ERC1: variants seen among roughly 807,000 people sequenced by gnomAD.
ERC1 encodes the protein RAB6 interacting protein 2.
In ERC1, 56 loss-of-function variants were observed where a neutral mutation model predicts 132.0. The ratio of observed to expected loss-of-function variants is 0.42; its 90% CI spans 0.34 to 0.53. The LOEUF (loss-of-function observed/expected upper bound fraction) is 0.53, where lower values mean the gene tolerates loss of function less well. Among genes scored for constraint, ERC1 ranks in the 20% least tolerant of loss-of-function variants. The pLI is 0.03. For missense variants in ERC1, 1,202 were observed against 1,349.9 expected (o/e 0.89, Z 1.72); for synonymous variants, 478 against 476.1 (o/e 1.00, Z -0.05).
chr12:1,320,335 GAA>G (rs1322583708), intron 15 of ERC1, among the ~76,000 whole-genome samples: 1 of 152,186 alleles, frequency 6.6e-6, no homozygotes, highest in Non-Finnish European at 1.5e-5. Context: ...AAATGTGTAT[GAA>G]AGTGTGCATC....
intron 17 of ERC1, among the ~76,000 whole-genome samples, chr12:1,412,697 C>G (rs1212292871): frequency 6.6e-6 from 1 of 152,172 alleles, no homozygotes; most frequent in Non-Finnish European, 1.5e-5. Context: ...GTCACTTAAA[C>G]TCCCTGAGCC....
intron 16 of ERC1, among the ~76,000 whole-genome samples, chr12:1,394,219 T>C (rs1314341071): frequency 6.7e-6 from 1 of 150,248 alleles, no homozygotes; most frequent in Non-Finnish European, 1.5e-5. Context: ...GCTAACACGG[T>C]GAAACCCCAT....
intron 2 of ERC1, among the ~76,000 whole-genome samples, chr12:1,065,188 G>A (rs569844417): frequency 7.4e-4 from 112 of 151,730 alleles, no homozygotes; most frequent in African/African-American, 2.6e-3. Flanking sequence ...TTTAGTAGAG[G>A]GAGGGTTTCA....
At chr12:1,472,502 T>C (rs2093882785) in intron 18 of ERC1, among the ~76,000 whole-genome samples, 1 of 151,886 alleles carries the variant, frequency 6.6e-6, no homozygotes, top group Non-Finnish European at 1.5e-5. Flanking sequence ...AATTTAAAAT[T>C]AGTGGGGTGT....
chr12:1,389,490 T>C (rs975611903), intron 16 of ERC1, among the ~76,000 whole-genome samples: 7 of 152,250 alleles, frequency 4.6e-5, no homozygotes, highest in South Asian at 2.1e-4. Flanking sequence ...ATATGCCCTC[T>C]GTAAGCCTGT....
intron 5 of ERC1, 108 bp from the exon 6 acceptor site, chr12:1,112,107 G>A: frequency 1.4e-6 from 1 of 722,030 alleles, no homozygotes. Flanking sequence ...AGATTTGATT[G>A]TATTATATAA....
chr12:1,236,819 A>G lies in ERC1; in HGVS notation c.2402A>G (p.Gln801Arg), dbSNP rs759828967. The change falls in exon 13 of 19, where the codon CAG becomes CGG. Residue 801 changes from glutamine (Q) to arginine (R), a missense_variant. Gln to Arg is a conservative substitution (Grantham distance 43). Coordinates refer to ENST00000360905, the MANE Select transcript of ERC1 (RefSeq NM_178040.4). Reference sequence around the variant, plus strand: ...GTAGCAAATCTGAAGCACAAGGAACAGGTGGAAAAAAAGAAGAGTGCACAA... The same window carrying G: ...GTAGCAAATCTGAAGCACAAGGAACGGGTGGAAAAAAAGAAGAGTGCACAA... ...KKVANLKHKE[Q>R]VEKKKSAQML... is the part of the protein sequence containing the mutation. The G allele has an allele frequency of 2.3e-5, 37 of 1,613,964 alleles. No individual in the cohort carries two copies. Among genetic ancestry groups the G allele is most frequent in the Non-Finnish European group, 3.0e-5 (35 of 1,179,994 alleles).
rs1056607368 is a variant in ERC1 at position 1,471,342 on chromosome 12, CTG to C, written c.3214-18750_3214-18749del. Among the ~76,000 whole-genome samples the C allele has an allele frequency of 3.7e-3, 556 of 152,244 alleles. 3 individuals are homozygous for C. Among genetic ancestry groups the C allele is most frequent in the African/African-American group, 0.013 (527 of 41,488 alleles). ...GGCACAGACTATCACGTAGAAAAAA[CTG>C]AAATTATCTCAGCTAGGGAAGAATG... On this transcript the variant is annotated intron_variant, in intron 18 of 18. Coordinates refer to ENST00000360905, the MANE Select transcript of ERC1 (RefSeq NM_178040.4).
intron 8 of ERC1, among the ~76,000 whole-genome samples, chr12:1,163,348 C>T (rs904356040): frequency 6.6e-6 from 1 of 152,026 alleles, no homozygotes; most frequent in Non-Finnish European, 1.5e-5. Flanking sequence ...CACTCCTCTC[C>T]AAAAAATACT....
In ERC1 at chr12:1,028,559, A is replaced by C. The variant is rs372854799; in HGVS notation, c.656A>C (p.Gln219Pro). 6.2e-7 allele frequency: 1 copy of C among 1,609,202 alleles called. No homozygotes were observed. The highest frequency in any genetic ancestry group is 1.3e-5 in the African/African-American group (1 of 74,572). ...TGGAAGGAACAGTACAGAGTTGTAC[A>C]GGAGGAAAACCAGGTAAGTTCTACG... ...TIWKEQYRVV[Q>P]EENQHMQMTI... Residue 219 changes from glutamine to proline, a missense_variant, in exon 2 of 19, where the codon CAG becomes CCG. Coordinates refer to ENST00000360905, the MANE Select transcript of ERC1 (RefSeq NM_178040.4).
chr12:1,399,098 T>G (rs1279503872), intron 16 of ERC1, among the ~76,000 whole-genome samples: 5 of 151,534 alleles, frequency 3.3e-5, no homozygotes, highest in Non-Finnish European at 5.9e-5. Flanking sequence ...CACAGGCATG[T>G]GACATCATGC....
intron 16 of ERC1, among the ~76,000 whole-genome samples, chr12:1,394,149 C>G (rs1424948601): frequency 6.6e-6 from 1 of 151,642 alleles, no homozygotes; most frequent in Admixed American, 6.6e-5. Flanking sequence ...ACCTGTAATC[C>G]CAGCACTTTG....
chr12:1,273,667 G>A (rs1486382195), intron 14 of ERC1, among the ~76,000 whole-genome samples: 1 of 152,088 alleles, frequency 6.6e-6, no homozygotes, highest in African/African-American at 2.4e-5. Context: ...AAATTTTAAT[G>A]GCCATATCTG....
chr12:993,068 T>C (rs1959976605), intron 1 of ERC1, among the ~76,000 whole-genome samples: 1 of 152,222 alleles, frequency 6.6e-6, no homozygotes, highest in Non-Finnish European at 1.5e-5. Flanking sequence ...CAAATACTTC[T>C]ACTTTATAGA....
chr12:1,204,083 T>A (rs1957147026), intron 12 of ERC1: 1 of 158,174 alleles, frequency 6.3e-6, no homozygotes. Flanking sequence ...GGTTAAGGCG[T>A]AGTTAGTTAT....
At chr12:1,138,252 A>G (rs1949532441) in intron 7 of ERC1, among the ~76,000 whole-genome samples, 1 of 132,566 alleles carries the variant, frequency 7.5e-6, no homozygotes, top group Non-Finnish European at 1.5e-5. Flanking sequence ...ACAATATATG[A>G]TATATATTAT....
intron 2 of ERC1, among the ~76,000 whole-genome samples, chr12:1,039,094 T>G (rs1172435836): frequency 9.2e-5 from 14 of 151,968 alleles, no homozygotes. Flanking sequence ...CCCAGCACTT[T>G]GGGAGGCCGA....
chr12:1,197,610 A>T (rs1316291866), intron 12 of ERC1, among the ~76,000 whole-genome samples: 2 of 152,148 alleles, frequency 1.3e-5, no homozygotes, highest in Admixed American at 1.3e-4. Flanking sequence ...TGTGCTTTTT[A>T]ATGCTTCTCT....
intron 3 of ERC1, among the ~76,000 whole-genome samples, chr12:1,093,741 T>G (rs577818576): frequency 6.6e-6 from 1 of 151,742 alleles, no homozygotes; most frequent in Admixed American, 6.6e-5. Flanking sequence ...GTGCTAATAT[T>G]TGAATATGTT....
Sources: gnomAD v4.1 joint callset for allele counts (sites outside exome capture counted in the v4.1 genomes callset) on GRCh38, gnomAD v4.1.1 for gene constraint, MANE v1.5 for transcripts, NCBI Gene and HGNC (gene_info 2026-07-23, HGNC 2026-07-21) for gene names.